CRLF1: variants seen among roughly 807,000 people sequenced by gnomAD.
The protein encoded by CRLF1 is cytokine receptor-like factor 1.
A neutral mutation model predicts 48.9 loss-of-function variants in CRLF1; 36 were observed. The observed-to-expected ratio is 0.74, with a 90% confidence interval of 0.56 to 0.97. The LOEUF (loss-of-function observed/expected upper bound fraction) is 0.97. Among genes scored for constraint, CRLF1 ranks in the 50% least tolerant of loss-of-function variants. The probability of loss-of-function intolerance (pLI) is 0.00; values close to 1 mark genes in which losing one functional copy is unlikely to be tolerated. For missense variants in CRLF1, 534 were observed against 575.1 expected, an observed-to-expected ratio of 0.93 and a Z score of 0.73; for synonymous variants, 256 against 253.4, an observed-to-expected ratio of 1.01 and a Z score of -0.10.
chr19:18,594,175 C>T, intron 7 of CRLF1, 68 bp from the exon 8 acceptor site: 2 of 1,599,102 alleles, frequency 1.3e-6, no homozygotes, highest in Non-Finnish European at 1.7e-6. Context: ...TGCTGTCTTC[C>T]CCCTCCCCTG....
intron 7 of CRLF1, 63 bp from the exon 8 acceptor site, chr19:18,594,170 T>C: frequency 6.3e-7 from 1 of 1,597,648 alleles, no homozygotes; most frequent in African/African-American, 1.3e-5. Flanking sequence ...CAGCCTGCTG[T>C]CTTCCCCCTC....
At chr19:18,603,661 C>T (rs1335977983) in intron 1 of CRLF1, among the ~76,000 whole-genome samples, 2 of 152,224 alleles carry the variant, frequency 1.3e-5, no homozygotes, top group African/African-American at 2.4e-5. Flanking sequence ...TGAATGCCAG[C>T]GCTGCCCTGC....
chr19:18,597,526 T>A (rs1203860737), intron 4 of CRLF1, among the ~76,000 whole-genome samples: 3 of 139,544 alleles, frequency 2.1e-5, no homozygotes, highest in African/African-American at 5.5e-5. Flanking sequence ...GCCTCCCGGG[T>A]TCACGCCATT....
At chr19:18,605,271 T>A (rs1319828364) in intron 1 of CRLF1, among the ~76,000 whole-genome samples, 1 of 151,806 alleles carries the variant, frequency 6.6e-6, no homozygotes, top group Non-Finnish European at 1.5e-5. Context: ...GGGCCCGAGG[T>A]AGCCCCTCAC....
At position 18,606,126 on chromosome 19, in the gene CRLF1, G is replaced by A. The variant is rs1046291287; in HGVS notation, c.115+416C>T. On this transcript the variant is annotated intron_variant, in intron 1 of 8. Coordinates refer to ENST00000392386, the MANE Select transcript of CRLF1 (RefSeq NM_004750.5). This position sits in a 1 kb window ranked among gnomAD's most constrained non-coding sequence, Gnocchi z 4.8. ...CGTGGGGCTCATCCCTCCGCCTGGG[G>A]GGGCCCGCTGGGGGCCCGCACCCAG... Among the ~76,000 whole-genome samples the A allele has an allele frequency of 1.3e-4, 19 of 151,372 alleles. No individual in the cohort carries two copies. The highest frequency in any genetic ancestry group is 1.8e-4 in the Non-Finnish European group (12 of 67,740).
At chr19:18,597,070 C>G in intron 4 of CRLF1, 21 bp from the exon 5 acceptor site, 1 of 1,608,142 alleles carries the variant, frequency 6.2e-7, no homozygotes, top group Non-Finnish European at 8.5e-7. Flanking sequence ...GAGGAGGGAC[C>G]CTCTCAGCCT....
At chr19:18,597,131 C>T (rs747382667) in intron 4 of CRLF1, 82 bp from the exon 5 acceptor site, 4 of 1,474,416 alleles carry the variant, frequency 2.7e-6, no homozygotes, top group Non-Finnish European at 2.8e-6. Context: ...GGGCACTTGG[C>T]CTAGATGGAA....
In CRLF1 at chr19:18,598,503, A is replaced by G. The variant is rs1219623209; in HGVS notation, c.626T>C (p.Ile209Thr). 2 of 1,614,084 alleles carry G rather than the reference A, an allele frequency of 1.2e-6. No homozygotes were observed. The highest frequency in any genetic ancestry group is 3.3e-5 in the Admixed American group (2 of 60,028). Residue 209 changes from isoleucine (I) to threonine (T), a missense_variant, in exon 4 of 9, where the codon ATC becomes ACC. Coordinates refer to ENST00000392386, the MANE Select transcript of CRLF1 (RefSeq NM_004750.5). The stretch of plus-strand genomic sequence containing the variant: ...CAGGCGGTTGGTGGCCTCCACCCAG[A>G]TCTCATAGGGCGTAAAGAGAGCCAG... ...KDLALFTPYEIWVEATNRLGS... is the reference protein window; with the variant it reads ...KDLALFTPYETWVEATNRLGS...
chr19:18,595,176 G>GC (rs1303929196), intron 6 of CRLF1, among the ~76,000 whole-genome samples: 2 of 152,196 alleles, frequency 1.3e-5, no homozygotes. Flanking sequence ...CCGCTGACAG[G>GC]CCCTGGCACG....
chr19:18,594,032 T>TGTGGC, intron 8 of CRLF1, 33 bp downstream of exon 8: 5 of 695,806 alleles, frequency 7.2e-6, no homozygotes, highest in Admixed American at 3.0e-5. Context: ...CTCCCCTTGC[T>TGTGGC]CCCTCCCGCC....
chr19:18,605,161 C>A (rs1041517663), intron 1 of CRLF1, among the ~76,000 whole-genome samples: 13 of 151,938 alleles, frequency 8.6e-5, no homozygotes, highest in Non-Finnish European at 1.9e-4. Context: ...CCCCCTACAC[C>A]TTCGCCTGCT....
rs1976141037 is a variant in CRLF1, at chr19:18,596,807, AG to A, written c.856-18del. The A allele has an allele frequency of 6.2e-7, 1 of 1,612,858 alleles. No homozygotes were observed. Among genetic ancestry groups the A allele is most frequent in the African/African-American group, 1.3e-5 (1 of 74,972 alleles). Reference sequence around the variant, plus strand: ...GTCCACCACCTGGACAGTGAGGACAAGGTCAGAGTAGAGGGCGGGGCCTAGC... The same window carrying A: ...GTCCACCACCTGGACAGTGAGGACAAGTCAGAGTAGAGGGCGGGGCCTAGC... On this transcript the variant is annotated intron_variant, in intron 5 of 8. Transcript: ENST00000392386.
In CRLF1 at chr19:18,600,262, G is replaced by A. The variant is rs910295031; in HGVS notation, c.116-416C>T. On this transcript the variant is annotated intron_variant, in intron 1 of 8. Coordinates refer to ENST00000392386, the MANE Select transcript of CRLF1 (RefSeq NM_004750.5). ...CGCCCAGGCTGGAGTGCAGTGGCAC[G>A]ATCTCGGCTCACTGCAACCTCCGCC... is the stretch of plus-strand genomic sequence containing the variant. 6.7e-4 allele frequency among the ~76,000 whole-genome samples: 102 copies of A among 151,950 alleles called. 1 individual carries two copies. The highest frequency in any genetic ancestry group is 2.1e-4 in the South Asian group (1 of 4,814).
intron 4 of CRLF1, among the ~76,000 whole-genome samples, chr19:18,597,429 C>CCCTTTTTTTTTTT (rs1976154519): frequency 1.4e-5 from 1 of 72,524 alleles, no homozygotes; most frequent in African/African-American, 1.1e-4. Flanking sequence ...CTCCCTTCCA[C>CCCTTTTTTTTTTT]TCTTTTTTTT....
chr19:18,601,279 GTT>G (rs58921623), intron 1 of CRLF1, among the ~76,000 whole-genome samples: 2 of 142,994 alleles, frequency 1.4e-5, no homozygotes, highest in Admixed American at 7.0e-5. Flanking sequence ...AGAGCACCAT[GTT>G]TTTTTTTTTT....
intron 1 of CRLF1, among the ~76,000 whole-genome samples, chr19:18,605,966 G>A (rs892791271): frequency 6.6e-6 from 1 of 152,112 alleles, no homozygotes; most frequent in Non-Finnish European, 1.5e-5. Context: ...CCGGTGGCGG[G>A]GACTCCGCGG....
At chr19:18,594,029 T>TTCGG in intron 8 of CRLF1, 36 bp downstream of exon 8, 4 of 1,366,642 alleles carry the variant, frequency 2.9e-6, no homozygotes, top group Non-Finnish European at 3.0e-6. Flanking sequence ...GCCCTCCCCT[T>TTCGG]GCTCCCTCCC....
intron 2 of CRLF1, 81 bp from the exon 3 acceptor site, chr19:18,598,982 C>T: frequency 1.9e-6 from 3 of 1,582,298 alleles, no homozygotes; most frequent in Non-Finnish European, 2.6e-6. Flanking sequence ...TGCCCACCCA[C>T]CAGGCCCCCA....
Position 18,596,736 on chromosome 19 carries a change from CG to C in CRLF1, c.909del (p.Gly304AlafsTer122). 6.2e-7 allele frequency: 1 copy of C among 1,614,016 alleles called. No individual in the cohort carries two copies. The highest frequency in any genetic ancestry group is 8.5e-7 in the Non-Finnish European group (1 of 1,180,014). On this transcript the variant is annotated frameshift_variant, in exon 6 of 9. Transcript: ENST00000392386. LOFTEE classifies it high-confidence loss of function. ...QTSCRLAGLK[P>X]GTVYFVQVRC... ...CGCACTTGCACGAAGTACACGGTGC[CG>C]GGTTTCAGGCCGGCCAGGCGGCAGG... is the stretch of plus-strand genomic sequence containing the variant.
Sources: allele counts gnomAD v4.1 joint callset (sites outside exome capture counted in the v4.1 genomes callset), GRCh38; gene constraint gnomAD v4.1.1; non-coding constraint Gnocchi (gnomAD v3.1); transcripts MANE v1.5; gene names NCBI Gene and HGNC (gene_info 2026-07-23, HGNC 2026-07-21).